Variants in ZNF727 observed in about 807,000 individuals in gnomAD.
ZNF727 encodes the protein putative zinc finger protein 727.
A neutral mutation model predicts 11.5 loss-of-function variants in ZNF727; 11 were observed. That is an observed-to-expected ratio of 0.95 (90% CI 0.60 to 1.58). The LOEUF (loss-of-function observed/expected upper bound fraction) is 1.58, where lower values mean the gene tolerates loss of function less well. Among genes scored for constraint, ZNF727 ranks in the 40% most tolerant of loss-of-function variants. ZNF727 has a pLI of 0.00. For synonymous variants in ZNF727, 171 were observed against 196.1 expected (o/e 0.87, Z 1.07); for missense variants, 533 against 581.7 (o/e 0.92, Z 0.86).
chr7:64,081,944 A>G lies in ZNF727; in HGVS notation c.*3395A>G, dbSNP rs971311927. ...CATCTCAGAGACGTGTAGGCCAGCA[A>G]TCACTCAGTGCAGTCCGACCAGGAT... On this transcript the variant is annotated 3_prime_UTR_variant, in exon 4 of 4. Transcript: ENST00000456806. Among the ~76,000 whole-genome samples the G allele has an allele frequency of 1.9e-4, 29 of 151,872 alleles. No individual in the cohort carries two copies. The highest frequency in any genetic ancestry group is 5.3e-4 in the African/African-American group (22 of 41,352).
At chr7:64,048,059 C>T (rs1789535790) in intron 1 of ZNF727, among the ~76,000 whole-genome samples, 1 of 152,178 alleles carries the variant, frequency 6.6e-6, no homozygotes, top group Admixed American at 6.5e-5. Flanking sequence ...ACACATGAGT[C>T]TAAAACATCT....
intron 3 of ZNF727, among the ~76,000 whole-genome samples, chr7:64,073,379 A>G (rs560145467): frequency 2.1e-4 from 32 of 150,958 alleles, no homozygotes; most frequent in African/African-American, 7.5e-4. Context: ...TTTTCTGGTC[A>G]ATTATTCTAT....
intron 1 of ZNF727, among the ~76,000 whole-genome samples, chr7:64,065,215 T>G (rs117975186): frequency 0.012 from 1,829 of 152,210 alleles, 17 homozygotes; most frequent in Non-Finnish European, 0.02. Flanking sequence ...TCAGATACTT[T>G]CACGAGAGGT....
At chr7:64,056,036 C>T (rs569510600) in intron 1 of ZNF727, among the ~76,000 whole-genome samples, 53 of 152,260 alleles carry the variant, frequency 3.5e-4, no homozygotes, top group African/African-American at 1.3e-3. Flanking sequence ...CTCCTCTTTA[C>T]ACCACTTGCT....
At chr7:64,068,447 A>G (rs1789905844) in intron 1 of ZNF727, among the ~76,000 whole-genome samples, 1 of 152,082 alleles carries the variant, frequency 6.6e-6, no homozygotes, top group Admixed American at 6.6e-5. Context: ...CAAACTTCTT[A>G]TCAATTCAAA....
intron 1 of ZNF727, among the ~76,000 whole-genome samples, chr7:64,049,813 G>A (rs1789563049): frequency 6.6e-6 from 1 of 151,358 alleles, no homozygotes; most frequent in Non-Finnish European, 1.5e-5. Flanking sequence ...ATGTAGGTTA[G>A]CAACAATCTA....
intron 1 of ZNF727, among the ~76,000 whole-genome samples, chr7:64,049,027 A>T (rs1789551890): frequency 6.6e-6 from 1 of 152,216 alleles, no homozygotes. Flanking sequence ...TTAGTGGCAC[A>T]GGTATTGGCC....
At chr7:64,070,364 A>G (rs1369123672) in intron 3 of ZNF727, among the ~76,000 whole-genome samples, 1 of 152,002 alleles carries the variant, frequency 6.6e-6, no homozygotes, top group Non-Finnish European at 1.5e-5. Flanking sequence ...TAAACTCCCA[A>G]TCTTTATTTT....
chr7:64,054,167 G>C (rs1171262263), intron 1 of ZNF727, among the ~76,000 whole-genome samples: 1 of 152,154 alleles, frequency 6.6e-6, no homozygotes, highest in Non-Finnish European at 1.5e-5. Context: ...CCCTGGATGT[G>C]AGGGTGGCCT....
rs1785747462 is a variant in ZNF727 at position 64,079,329 on chromosome 7, G to GTAA, written c.*782_*784dup. ...ACTACTGAACAAATGTAGTATAAAG[G>GTAA]TAATGACTTGAAGAACATTTAATAA... is the stretch of plus-strand genomic sequence containing the variant. On this transcript the variant is annotated 3_prime_UTR_variant, in exon 4 of 4. Transcript: ENST00000456806. Among the ~76,000 whole-genome samples, 1 of 152,154 alleles carries GTAA rather than the reference G, an allele frequency of 6.6e-6. No individual in the cohort carries two copies. Among genetic ancestry groups the GTAA allele is most frequent in the Admixed American group, 6.5e-5 (1 of 15,280 alleles).
At chr7:64,059,568 T>G (rs1304934429) in intron 1 of ZNF727, among the ~76,000 whole-genome samples, 1 of 152,208 alleles carries the variant, frequency 6.6e-6, no homozygotes, top group Non-Finnish European at 1.5e-5. Flanking sequence ...TTCAGATTAT[T>G]TCAGATTAAC....
chr7:64,075,006 T>TTC (rs1790018856), intron 3 of ZNF727, among the ~76,000 whole-genome samples: 1 of 152,084 alleles, frequency 6.6e-6, no homozygotes, highest in Admixed American at 6.6e-5. Flanking sequence ...ATTTCACAGG[T>TTC]TCTGAGCTAA....
rs1338010030 is a variant in ZNF727, at chr7:64,081,886, T to C, written c.*3337T>C. On this transcript the variant is annotated 3_prime_UTR_variant, in exon 4 of 4. Transcript: ENST00000456806. ...CTGGGTACCACATGAGCTGGGTTGC[T>C]GCCCCACCTCTTTGCCTGTCTTCTG... Among the ~76,000 whole-genome samples, 1 of 152,132 alleles carries C rather than the reference T, an allele frequency of 6.6e-6. No individual in the cohort carries two copies. Among genetic ancestry groups the C allele is most frequent in the East Asian group, 1.9e-4 (1 of 5,170 alleles).
chr7:64,057,817 A>C (rs981579785), intron 1 of ZNF727, among the ~76,000 whole-genome samples: 6 of 152,274 alleles, frequency 3.9e-5, no homozygotes, highest in Admixed American at 2.0e-4. Flanking sequence ...AAAACATCAT[A>C]ATCTGATCTC....
rs111952917 is a variant in ZNF727, at chr7:64,055,748, G to A, written c.3+10124G>A. 4.3e-3 allele frequency among the ~76,000 whole-genome samples: 656 copies of A among 152,276 alleles called. 4 individuals carry two copies. The highest frequency in any genetic ancestry group is 0.015 in the African/African-American group (623 of 41,568). On this transcript the variant is annotated intron_variant, in intron 1 of 3. Transcript: ENST00000456806. ...TCATTGCATGTAAATAACGCATTTT[G>A]TTTATTCATTGCTGAAGACATGGGT...
In ZNF727 at chr7:64,069,625, T is replaced by G; in HGVS notation, c.226+16T>G. 1.3e-6 allele frequency: 2 copies of G among 1,532,116 alleles called. No homozygotes were observed. The highest frequency in any genetic ancestry group is 2.0e-5 in the Admixed American group (1 of 51,160). 94.9% of individuals were successfully genotyped at this position (1,532,116 alleles called of 1,614,324 possible). On this transcript the variant is annotated intron_variant, in intron 3 of 3. Transcript: ENST00000456806. ...AAACACCCAGGTAGGTGGGAGTGAGTGAAGCAAATGACATAAATGACGGTT... is the reference window on the plus strand; with the variant it reads ...AAACACCCAGGTAGGTGGGAGTGAGGGAAGCAAATGACATAAATGACGGTT...
intron 1 of ZNF727, among the ~76,000 whole-genome samples, chr7:64,063,403 G>T (rs1789807935): frequency 6.6e-6 from 1 of 152,118 alleles, no homozygotes; most frequent in African/African-American, 2.4e-5. Context: ...GGTGGTCATA[G>T]GTAAGATCCA....
intron 3 of ZNF727, among the ~76,000 whole-genome samples, chr7:64,069,939 TG>T (rs1789934438): frequency 6.6e-6 from 1 of 152,072 alleles, no homozygotes; most frequent in Admixed American, 6.6e-5. Context: ...TTCCATTGCT[TG>T]GGGGAAACAG....
At chr7:64,069,141 G>T (rs1789918529) in intron 2 of ZNF727, 124 bp downstream of exon 2, 2 of 1,102,154 alleles carry the variant, frequency 1.8e-6, no homozygotes, top group Non-Finnish European at 2.5e-6. Flanking sequence ...AAAAAATTGG[G>T]TATCTGTTTA....
Sources: gnomAD v4.1 joint callset for allele counts (sites outside exome capture counted in the v4.1 genomes callset) on GRCh38, gnomAD v4.1.1 for gene constraint, MANE v1.5 for transcripts, NCBI Gene and HGNC (gene_info 2026-07-23, HGNC 2026-07-21) for gene names.